LONP2: variants seen among roughly 807,000 people sequenced by gnomAD.
LONP2 encodes lon peptidase 2, peroxisomal.
A neutral mutation model predicts 85.6 loss-of-function variants in LONP2; 60 were observed. The observed-to-expected ratio is 0.70, with a 90% CI of 0.57 to 0.87. The LOEUF (loss-of-function observed/expected upper bound fraction) is 0.87. LONP2 is among the 40% of genes least tolerant of loss of function. The pLI is 0.00. For missense variants in LONP2, 860 were observed against 1,063.5 expected, an observed-to-expected ratio of 0.81 and a Z score of 2.66; for synonymous variants, 395 against 389.7, an observed-to-expected ratio of 1.01 and a Z score of -0.16.
At chr16:48,287,591 T>G (rs1006981883) in intron 8 of LONP2, among the ~76,000 whole-genome samples, 45 of 152,300 alleles carry the variant, frequency 3.0e-4, no homozygotes, top group Admixed American at 2.8e-3. Context: ...GGGATGGGGC[T>G]TTTGAAGGAT....
intron 7 of LONP2, among the ~76,000 whole-genome samples, chr16:48,274,542 C>T (rs1396591646): frequency 6.6e-6 from 1 of 152,004 alleles, no homozygotes; most frequent in Non-Finnish European, 1.5e-5. Flanking sequence ...TTTGTTTAGA[C>T]ATGCTATTAT....
At chr16:48,308,685 C>A (rs901210190) in intron 11 of LONP2, among the ~76,000 whole-genome samples, 3 of 148,710 alleles carry the variant, frequency 2.0e-5, no homozygotes, top group South Asian at 2.1e-4. Context: ...ATGTAAAATC[C>A]AAAACTAAAA....
At chr16:48,339,146 T>C (rs1221049557) in intron 12 of LONP2, among the ~76,000 whole-genome samples, 1 of 151,894 alleles carries the variant, frequency 6.6e-6, no homozygotes, top group East Asian at 1.9e-4. Context: ...TTAGGGATCA[T>C]ATAGAGAGAA....
At chr16:48,299,575 C>CT (rs1182664084) in intron 9 of LONP2, 87 bp from the exon 10 acceptor site, 1 of 1,427,452 alleles carries the variant, frequency 7.0e-7, no homozygotes, top group East Asian at 2.3e-5. Context: ...GAGCAAGACT[C>CT]TGTCTCTAAA....
intron 11 of LONP2, among the ~76,000 whole-genome samples, chr16:48,310,502 C>A (rs1265945627): frequency 6.6e-6 from 1 of 152,098 alleles, no homozygotes; most frequent in East Asian, 1.9e-4. Flanking sequence ...CAGGTGCATG[C>A]CACCATGCCT....
At chr16:48,279,312 A>G (rs1244931918) in intron 8 of LONP2, among the ~76,000 whole-genome samples, 1 of 152,166 alleles carries the variant, frequency 6.6e-6, no homozygotes, top group African/African-American at 2.4e-5. Context: ...GGGGCTTATC[A>G]ACAGTGAGTT....
At position 48,355,306 on chromosome 16, in the gene LONP2, C is replaced by T. The variant is rs949427419; in HGVS notation, c.*3504C>T. On this transcript the variant is annotated 3_prime_UTR_variant, in exon 15 of 15. Transcript: ENST00000285737. Reference sequence around the variant, plus strand: ...TCCATCCTCATTAATGGATTTAGTGCCTTTATAAAGGGGCTCAAGGGAACC... The same window carrying T: ...TCCATCCTCATTAATGGATTTAGTGTCTTTATAAAGGGGCTCAAGGGAACC... 4 of 152,050 alleles carry T rather than the reference C, an allele frequency of 2.6e-5. No individual in the cohort carries two copies. Among genetic ancestry groups the T allele is most frequent in the African/African-American group, 9.7e-5 (4 of 41,396 alleles). The allele number at this position is 152,050 out of a possible 1,614,324, so 9.4% of individuals were successfully genotyped here.
At chr16:48,293,256 A>G (rs981198559) in intron 8 of LONP2, among the ~76,000 whole-genome samples, 7 of 152,000 alleles carry the variant, frequency 4.6e-5, no homozygotes, top group African/African-American at 1.4e-4. Flanking sequence ...GTGAAACCCC[A>G]TCTCTACTAA....
At chr16:48,312,613 A>G (rs1351092398) in intron 11 of LONP2, among the ~76,000 whole-genome samples, 1 of 152,146 alleles carries the variant, frequency 6.6e-6, no homozygotes, top group African/African-American at 2.4e-5. Flanking sequence ...CAGTGACAGT[A>G]GTAATGTACG....
At chr16:48,263,976 A>G (rs560208794) in intron 6 of LONP2, among the ~76,000 whole-genome samples, 1 of 152,324 alleles carries the variant, frequency 6.6e-6, no homozygotes, top group Non-Finnish European at 1.5e-5. Context: ...AAAACCAGCA[A>G]GTTTTTATTA....
chr16:48,338,126 A>G (rs1959707873), intron 12 of LONP2, among the ~76,000 whole-genome samples: 2 of 152,042 alleles, frequency 1.3e-5, no homozygotes, highest in Non-Finnish European at 1.5e-5. Context: ...TTTTTTGTCT[A>G]AATGCCTGTA....
intron 1 of LONP2, chr16:48,247,404 G>A (rs1971468286): frequency 6.7e-6 from 1 of 149,206 alleles, no homozygotes; most frequent in Non-Finnish European, 1.5e-5. Context: ...CGCTGGCACA[G>A]CCTTCAAAGA....
intron 8 of LONP2, among the ~76,000 whole-genome samples, chr16:48,292,305 G>A (rs1972572104): frequency 6.6e-6 from 1 of 152,146 alleles, no homozygotes; most frequent in South Asian, 2.1e-4. Context: ...ACTGTTACAG[G>A]TTAAAGATCT....
At chr16:48,349,249 GAAAAA>G (rs879906791) in intron 14 of LONP2, among the ~76,000 whole-genome samples, 1 of 143,028 alleles carries the variant, frequency 7.0e-6, no homozygotes. Context: ...GCAAGATGAG[GAAAAA>G]AAAAAAGAAA....
chr16:48,293,458 C>A (rs1315939864), intron 8 of LONP2, among the ~76,000 whole-genome samples: 1 of 151,552 alleles, frequency 6.6e-6, no homozygotes, highest in South Asian at 2.1e-4. Flanking sequence ...TTTTCCTTAG[C>A]TAGTGTTAAA....
intron 5 of LONP2, among the ~76,000 whole-genome samples, chr16:48,261,856 G>T (rs888789695): frequency 6.6e-6 from 1 of 151,970 alleles, no homozygotes. Context: ...ACTCTCAAGG[G>T]CAAGGACTGT....
intron 9 of LONP2, among the ~76,000 whole-genome samples, chr16:48,296,482 C>G (rs139182865): frequency 7.9e-5 from 12 of 152,272 alleles, no homozygotes; most frequent in African/African-American, 2.9e-4. Context: ...CATCCCAGCA[C>G]TTTGGGAGGC....
intron 11 of LONP2, among the ~76,000 whole-genome samples, chr16:48,324,977 A>G (rs1473572238): frequency 6.6e-6 from 1 of 152,166 alleles, no homozygotes; most frequent in Non-Finnish European, 1.5e-5. Context: ...GAAATATACA[A>G]TACTGTTAAC....
intron 1 of LONP2, among the ~76,000 whole-genome samples, chr16:48,251,680 C>T (rs774029021): frequency 6.6e-6 from 1 of 152,142 alleles, no homozygotes; most frequent in African/African-American, 2.4e-5. Context: ...TGTAAGAAAA[C>T]TGACTTGATG....
Sources: gnomAD v4.1 joint callset for allele counts (sites outside exome capture counted in the v4.1 genomes callset) on GRCh38, gnomAD v4.1.1 for gene constraint, MANE v1.5 for transcripts, NCBI Gene and HGNC (gene_info 2026-07-23, HGNC 2026-07-21) for gene names.